PPARGC1A: variants seen among roughly 807,000 people sequenced by gnomAD.
PPARGC1A encodes the protein peroxisome proliferator-activated receptor gamma coactivator 1-alpha.
In PPARGC1A, 25 loss-of-function variants were observed where a neutral mutation model predicts 88.7. That is an observed-to-expected ratio of 0.28 (90% CI 0.21 to 0.39). The LOEUF (loss-of-function observed/expected upper bound fraction) is 0.39. Among genes scored for constraint, PPARGC1A ranks in the 10% least tolerant of loss-of-function variants. The pLI is 1.00. For missense variants in PPARGC1A, 880 were observed against 968.7 expected, an observed-to-expected ratio of 0.91 and a Z score of 1.22; for synonymous variants, 363 against 355.6, an observed-to-expected ratio of 1.02 and a Z score of -0.24.
chr4:24,462,840 T>A, the PPARGC1A span, among the ~76,000 whole-genome samples: 2 of 151,534 alleles, frequency 1.3e-5, no homozygotes, highest in African/African-American at 4.9e-5. Context: ...CTCAGCCCTT[T>A]ATTAAGTCAG....
chr4:24,364,524 C>T, the PPARGC1A span, among the ~76,000 whole-genome samples: 34 of 152,240 alleles, frequency 2.2e-4, no homozygotes, highest in African/African-American at 7.5e-4. Flanking sequence ...CATGTTCTTA[C>T]GCAGTTTTTC....
chr4:24,405,902 TTTCCCTCCTTCC>T, the PPARGC1A span, among the ~76,000 whole-genome samples: 1 of 152,118 alleles, frequency 6.6e-6, no homozygotes, highest in East Asian at 1.9e-4. Flanking sequence ...TCCTTTCTTC[TTTCCCTCCTTCC>T]TTCCCTCCTT....
At chr4:24,143,205 T>C in the PPARGC1A span, among the ~76,000 whole-genome samples, 1 of 152,216 alleles carries the variant, frequency 6.6e-6, no homozygotes, top group African/African-American at 2.4e-5. Flanking sequence ...ATTTCTTTAA[T>C]TGTTCATTCA....
At chr4:23,914,962 T>C in the PPARGC1A span, among the ~76,000 whole-genome samples, 1 of 152,216 alleles carries the variant, frequency 6.6e-6, no homozygotes, top group Non-Finnish European at 1.5e-5. Context: ...GGAGTCCTTA[T>C]AAATAACAAT....
chr4:24,453,902 G>A, the PPARGC1A span, among the ~76,000 whole-genome samples: 2 of 151,852 alleles, frequency 1.3e-5, no homozygotes, highest in Admixed American at 6.6e-5. Flanking sequence ...AAAAGGTAGT[G>A]TCTATTTCTC....
chr4:24,350,609 G>C, the PPARGC1A span, among the ~76,000 whole-genome samples: 1 of 152,174 alleles, frequency 6.6e-6, no homozygotes, highest in Non-Finnish European at 1.5e-5. Context: ...GTATTTAGTA[G>C]TCATATCAAC....
the PPARGC1A span, among the ~76,000 whole-genome samples, chr4:23,923,388 CTGAT>C: frequency 6.6e-6 from 1 of 152,110 alleles, no homozygotes; most frequent in South Asian, 2.1e-4. Context: ...TGCTCAATCA[CTGAT>C]TTATTTATTC....
the PPARGC1A span, among the ~76,000 whole-genome samples, chr4:24,286,565 A>G: frequency 6.6e-6 from 1 of 152,190 alleles, no homozygotes; most frequent in African/African-American, 2.4e-5. Context: ...GCAGCCATCC[A>G]AGCCCAAGGA....
the PPARGC1A span, among the ~76,000 whole-genome samples, chr4:24,245,891 GGTTT>G: frequency 1.4e-3 from 204 of 150,504 alleles, no homozygotes; most frequent in African/African-American, 4.4e-3. Context: ...ATTAGTACAT[GGTTT>G]GTTTGCTGAT....
At chr4:24,330,908 G>A in the PPARGC1A span, among the ~76,000 whole-genome samples, 1 of 152,032 alleles carries the variant, frequency 6.6e-6, no homozygotes, top group Non-Finnish European at 1.5e-5. Context: ...CCTCTAAAAG[G>A]GTCCCCTTCT....
chr4:23,838,896 G>A (rs975679754), intron 2 of PPARGC1A, among the ~76,000 whole-genome samples: 3 of 105,458 alleles, frequency 2.8e-5, no homozygotes, highest in Admixed American at 1.2e-4. Context: ...ATATTCAATT[G>A]TAGTTGACTA....
the PPARGC1A span, among the ~76,000 whole-genome samples, chr4:24,200,671 A>AAAAAAAAAAAAATT: frequency 2.0e-5 from 3 of 146,636 alleles, no homozygotes; most frequent in Non-Finnish European, 3.0e-5. Context: ...AAAAAAAAAA[A>AAAAAAAAAAAAATT]CTCCAGTAGA....
intron 7 of PPARGC1A, among the ~76,000 whole-genome samples, chr4:23,819,096 G>A (rs1436331188): frequency 1.3e-5 from 2 of 151,930 alleles, no homozygotes; most frequent in South Asian, 2.1e-4. Flanking sequence ...TGAATTTGGA[G>A]TGGGTGTCAA....
the PPARGC1A span, among the ~76,000 whole-genome samples, chr4:24,349,588 C>T: frequency 5.3e-5 from 8 of 152,066 alleles, no homozygotes; most frequent in South Asian, 2.1e-4. Flanking sequence ...TGGGGAAAAG[C>T]GGGTAGTCAC....
chr4:24,088,165 A>G, the PPARGC1A span, among the ~76,000 whole-genome samples: 5 of 152,152 alleles, frequency 3.3e-5, no homozygotes, highest in East Asian at 7.8e-4. Flanking sequence ...TCGAGGCAAC[A>G]TAGAGAGATC....
At chr4:23,818,351 G>C (rs529386662) in intron 7 of PPARGC1A, among the ~76,000 whole-genome samples, 1 of 152,216 alleles carries the variant, frequency 6.6e-6, no homozygotes, top group African/African-American at 2.4e-5. Context: ...AGTGCAGCTC[G>C]GTGCAGAATG....
the PPARGC1A span, among the ~76,000 whole-genome samples, chr4:24,355,452 C>T: frequency 6.6e-6 from 1 of 152,090 alleles, no homozygotes; most frequent in Admixed American, 6.6e-5. Flanking sequence ...TTGCAAGATG[C>T]CTCTTCAATT....
At chr4:23,823,638 T>C (rs1199751012) in intron 7 of PPARGC1A, among the ~76,000 whole-genome samples, 4 of 152,080 alleles carry the variant, frequency 2.6e-5, no homozygotes, top group Non-Finnish European at 4.4e-5. Context: ...TGATGTTAAG[T>C]ATATGCTTAT....
intron 1 of PPARGC1A, among the ~76,000 whole-genome samples, chr4:23,886,487 C>T (rs1481243745): frequency 1.3e-5 from 2 of 152,028 alleles, no homozygotes; most frequent in Non-Finnish European, 1.5e-5. Context: ...GACCATTGGA[C>T]CCCAGTGAGA....
Sources: allele counts gnomAD v4.1 joint callset (sites outside exome capture counted in the v4.1 genomes callset), GRCh38; gene constraint gnomAD v4.1.1; transcripts MANE v1.5; gene names NCBI Gene and HGNC (gene_info 2026-07-23, HGNC 2026-07-21).